The following NDRG2 variants were observed in gnomAD, a reference collection of about 807,000 sequenced individuals.
The protein encoded by NDRG2 is protein NDRG2.
Under a neutral mutation model 58.2 loss-of-function variants are expected in NDRG2, and 34 were observed. The ratio of observed to expected loss-of-function variants is 0.58; its 90% CI spans 0.44 to 0.78. The LOEUF (loss-of-function observed/expected upper bound fraction) is 0.78, where lower values mean the gene tolerates loss of function less well. Ranked by LOEUF, NDRG2 falls within the 30% of genes least tolerant of loss-of-function variation. The pLI is 0.00. For missense variants in NDRG2, 434 were observed against 471.2 expected, an observed-to-expected ratio of 0.92 and a Z score of 0.73; for synonymous variants, 187 against 175.9, an observed-to-expected ratio of 1.06 and a Z score of -0.50.
chr14:21,024,915 G>A lies in NDRG2; in HGVS notation c.-892C>T, dbSNP rs1051167367. 1.5e-5 allele frequency: 15 copies of A among 985,700 alleles called. No homozygotes were observed. The highest frequency in any genetic ancestry group is 1.0e-4 in the African/African-American group (6 of 57,364). The allele number at this position is 985,700 out of a possible 1,614,324, so 61.1% of individuals were successfully genotyped here. A position where few individuals can be genotyped will look rare whatever the true frequency, so the allele number is the denominator to read the frequency against. On this transcript the variant is annotated 5_prime_UTR_variant, in exon 1 of 16. Coordinates refer to ENST00000556147, the MANE Select transcript of NDRG2 (RefSeq NM_001320329.2). ...CGCAGCAACCGAGCGCCCGCTCCGT[G>A]CTGGCCCTTTCCCCCGAGCCTCCAG...
chr14:21,068,499 G>A (rs1277243657), intron 1 of NDRG2, among the ~76,000 whole-genome samples: 1 of 152,090 alleles, frequency 6.6e-6, no homozygotes, highest in Non-Finnish European at 1.5e-5. Flanking sequence ...GGTGAGGAAA[G>A]GTTCAGACAC....
intron 1 of NDRG2, among the ~76,000 whole-genome samples, chr14:21,060,113 T>C (rs549446216): frequency 2.0e-5 from 3 of 152,220 alleles, no homozygotes; most frequent in East Asian, 1.9e-4. Context: ...TCCCTTCCCA[T>C]ATTTGGAAAG....
chr14:21,055,328 T>C (rs1885628279), intron 1 of NDRG2, among the ~76,000 whole-genome samples: 2 of 152,256 alleles, frequency 1.3e-5, no homozygotes, highest in African/African-American at 2.4e-5. Flanking sequence ...AACTTCATGC[T>C]ACTTTAGTAG....
intron 2 of NDRG2, 54 bp downstream of exon 2, chr14:21,023,187 G>T: frequency 6.8e-7 from 1 of 1,464,132 alleles, no homozygotes; most frequent in Non-Finnish European, 9.5e-7. Context: ...GAAGGCAAGG[G>T]GGATGCTTAG....
At chr14:21,028,087 CAT>C (rs1275254335), upstream of NDRG2, among the ~76,000 whole-genome samples, 5 of 152,128 alleles carry the variant, frequency 3.3e-5, no homozygotes, top group African/African-American at 1.2e-4. Flanking sequence ...TAGTAAATGA[CAT>C]ATCTAGGATT....
chr14:21,059,579 C>T (rs1035344736), intron 1 of NDRG2, among the ~76,000 whole-genome samples: 1 of 152,076 alleles, frequency 6.6e-6, no homozygotes, highest in Non-Finnish European at 1.5e-5. Flanking sequence ...ACTGCAGTCT[C>T]GACATCCTGG....
At chr14:21,018,666 G>A in intron 12 of NDRG2, 97 bp downstream of exon 12, 1 of 1,592,538 alleles carries the variant, frequency 6.3e-7, no homozygotes, top group Non-Finnish European at 8.5e-7. Flanking sequence ...TGATCTCCCT[G>A]TGCCAAACAG....
At chr14:21,027,062 A>G (rs1883730502), upstream of NDRG2, among the ~76,000 whole-genome samples, 1 of 152,198 alleles carries the variant, frequency 6.6e-6, no homozygotes, top group Non-Finnish European at 1.5e-5. Context: ...AGGATGACTC[A>G]GGGGGAACCT....
intron 1 of NDRG2, 21 bp from the exon 2 acceptor site, chr14:21,023,342 G>A: frequency 6.2e-7 from 1 of 1,604,686 alleles, no homozygotes; most frequent in Non-Finnish European, 8.5e-7. Flanking sequence ...GAGGAAATGA[G>A]ACTGGGAAGT....
chr14:21,023,265 T>G lies in NDRG2; in HGVS notation c.51A>C (p.Pro17=), dbSNP rs1282610706. 1 of 1,614,014 alleles carries G rather than the reference T, an allele frequency of 6.2e-7. No individual in the cohort carries two copies. The change falls in exon 2 of 16, where the codon CCA becomes CCC. Residue 17 remains proline (P), a synonymous_variant. Coordinates refer to ENST00000556147, the MANE Select transcript of NDRG2 (RefSeq NM_001320329.2). The part of the protein sequence containing the change: ...VQITEEKPLL[P]GQTPEAAKEA... The stretch of plus-strand genomic sequence containing the variant: ...CCTTGGCCGCCTCAGGCGTCTGTCC[T>G]GGCAACAGTGGCTTCTCCTCTGTGA...
chr14:21,019,019 G>C (rs1323143209), intron 11 of NDRG2, 97 bp downstream of exon 11: 1 of 1,400,022 alleles, frequency 7.1e-7, no homozygotes, highest in Non-Finnish European at 9.8e-7. Context: ...ACATGACAAG[G>C]AAGTTCCCTG....
At chr14:21,042,410 G>A (rs1566495973) in intron 1 of NDRG2, 1 of 159,566 alleles carries the variant, frequency 6.3e-6, no homozygotes, top group South Asian at 1.7e-4. Context: ...AGCCCACTGA[G>A]CAGGAGTCAC....
At chr14:21,036,348 T>G (rs1410959361) in intron 1 of NDRG2, 1 of 434,438 alleles carries the variant, frequency 2.3e-6, no homozygotes, top group Non-Finnish European at 4.6e-6. Flanking sequence ...GGGTGCCCAG[T>G]CTTTTGGCTT....
chr14:21,047,799 A>C (rs886252944), intron 1 of NDRG2, among the ~76,000 whole-genome samples: 4 of 152,156 alleles, frequency 2.6e-5, no homozygotes, highest in African/African-American at 9.7e-5. Flanking sequence ...CTCTCCTAGA[A>C]GGGAGACTAT....
Position 21,019,707 on chromosome 14 carries a change from C to T in NDRG2, c.648G>A (p.Lys216=). The change falls in exon 10 of 16, where the codon AAG becomes AAA. Residue 216 remains lysine, a synonymous_variant. Coordinates refer to ENST00000556147, the MANE Select transcript of NDRG2 (RefSeq NM_001320329.2). ...ELSGNSELIQ[K]YRNIITHAPN... Reference sequence around the variant, plus strand: ...GTGCATGTGTAATGATATTTCTGTACTTTTGTATCAACTCAGAATTTCCAG... The same window carrying T: ...GTGCATGTGTAATGATATTTCTGTATTTTTGTATCAACTCAGAATTTCCAG... 6.2e-7 allele frequency: 1 copy of T among 1,613,770 alleles called. No homozygotes were observed. The highest frequency in any genetic ancestry group is 8.5e-7 in the Non-Finnish European group (1 of 1,179,704).
At position 21,070,678 on chromosome 14, in the gene NDRG2, C is replaced by T; in HGVS notation, c.24+150G>A. The T allele has an allele frequency of 1.1e-6, 1 of 942,240 alleles. No individual in the cohort carries two copies. Among genetic ancestry groups the T allele is most frequent in the Non-Finnish European group, 1.6e-6 (1 of 634,812 alleles). 58.4% of individuals were successfully genotyped at this position (942,240 alleles called of 1,614,324 possible). A position where few individuals can be genotyped will look rare whatever the true frequency, so the allele number is the denominator to read the frequency against. Reference sequence around the variant, plus strand: ...CCCCTAATCCACACACCTCCCCGCTCCCCGCCCTCCTCTGTCCTGACCTGT... The same window carrying T: ...CCCCTAATCCACACACCTCCCCGCTTCCCGCCCTCCTCTGTCCTGACCTGT... On this transcript the variant is annotated intron_variant, in intron 1 of 14. Transcript: ENST00000403829. This position sits in a 1 kb window ranked among gnomAD's most constrained non-coding sequence, Gnocchi z 4.7.
intron 1 of NDRG2, among the ~76,000 whole-genome samples, chr14:21,054,510 A>G (rs952171671): frequency 3.9e-5 from 6 of 152,224 alleles, no homozygotes; most frequent in Admixed American, 2.0e-4. Context: ...CTCTTAGCCC[A>G]CAAGAGGAGG....
At chr14:21,068,472 T>C (rs1234951822) in intron 1 of NDRG2, among the ~76,000 whole-genome samples, 2 of 152,032 alleles carry the variant, frequency 1.3e-5, no homozygotes, top group Non-Finnish European at 2.9e-5. Flanking sequence ...TGCTGCAGTT[T>C]AAGGAATGGA....
At chr14:21,056,726 G>C (rs1885690643) in intron 1 of NDRG2, among the ~76,000 whole-genome samples, 1 of 152,216 alleles carries the variant, frequency 6.6e-6, no homozygotes, top group Non-Finnish European at 1.5e-5. Context: ...CCAGCCCAAA[G>C]GGATGGGTTG....
Sources: allele counts gnomAD v4.1 joint callset (sites outside exome capture counted in the v4.1 genomes callset), GRCh38; gene constraint gnomAD v4.1.1; non-coding constraint Gnocchi (gnomAD v3.1); transcripts MANE v1.5; gene names NCBI Gene and HGNC (gene_info 2026-07-23, HGNC 2026-07-21).